CIMIP4: variants seen among roughly 807,000 people sequenced by gnomAD.
The protein encoded by CIMIP4 is protein EAN57.
chr22:37,001,215 T>C, the CIMIP4 span, among the ~76,000 whole-genome samples: 1 of 151,644 alleles, frequency 6.6e-6, no homozygotes, highest in Non-Finnish European at 1.5e-5. Flanking sequence ...CATTGACTAG[T>C]GATGTCTGCC....
chr22:36,996,315 T>C, the CIMIP4 span, among the ~76,000 whole-genome samples: 1 of 152,072 alleles, frequency 6.6e-6, no homozygotes, highest in Non-Finnish European at 1.5e-5. Context: ...AATTAATTGG[T>C]GAGCTGCATA....
At chr22:36,998,793 C>T in the CIMIP4 span, among the ~76,000 whole-genome samples, 4 of 152,062 alleles carry the variant, frequency 2.6e-5, no homozygotes, top group African/African-American at 9.7e-5. Flanking sequence ...TCCAACCCAC[C>T]CTTCCTTTCT....
chr22:37,000,840 C>T, the CIMIP4 span, among the ~76,000 whole-genome samples: 1 of 152,288 alleles, frequency 6.6e-6, no homozygotes, highest in South Asian at 2.1e-4. Context: ...CCAAGTGGGG[C>T]AGAACATGTC....
the CIMIP4 span, among the ~76,000 whole-genome samples, chr22:36,998,977 C>A: frequency 6.6e-6 from 1 of 152,120 alleles, no homozygotes; most frequent in East Asian, 1.9e-4. Context: ...GAGAAGGCAG[C>A]GGAGGCTTGC....
At chr22:37,000,638 G>A in the CIMIP4 span, among the ~76,000 whole-genome samples, 1 of 152,228 alleles carries the variant, frequency 6.6e-6, no homozygotes, top group South Asian at 2.1e-4. Context: ...GGTCTTTGAA[G>A]TGGCTTCCAG....
the CIMIP4 span, chr22:37,003,919 A>G: frequency 2.0e-6 from 3 of 1,527,098 alleles, no homozygotes; most frequent in Non-Finnish European, 2.6e-6. Context: ...GAGTCCCTCC[A>G]GAAGCCTGGA....
At chr22:36,993,201 G>A in the CIMIP4 span, among the ~76,000 whole-genome samples, 7 of 151,312 alleles carry the variant, frequency 4.6e-5, no homozygotes, top group African/African-American at 1.7e-4. Flanking sequence ...TAGTAGAGAC[G>A]GGGTTTCACC....
the CIMIP4 span, chr22:37,001,802 A>G: frequency 3.6e-5 from 54 of 1,493,068 alleles, no homozygotes; most frequent in African/African-American, 5.9e-4. Context: ...TCATTATAAG[A>G]CTCTGCATCA....
At chr22:36,999,576 AGGGGAG>A in the CIMIP4 span, among the ~76,000 whole-genome samples, 32 of 2,908 alleles carry the variant, frequency 0.011, no homozygotes, top group Admixed American at 0.027. Flanking sequence ...GGGGGAGGGG[AGGGGAG>A]GGGGGGATGG....
At chr22:36,997,569 G>A in the CIMIP4 span, among the ~76,000 whole-genome samples, 1 of 152,206 alleles carries the variant, frequency 6.6e-6, no homozygotes, top group Non-Finnish European at 1.5e-5. Flanking sequence ...CACTAGCCCA[G>A]CTTCCAACAC....
the CIMIP4 span, among the ~76,000 whole-genome samples, chr22:36,992,510 A>T: frequency 6.6e-6 from 1 of 152,224 alleles, no homozygotes; most frequent in Non-Finnish European, 1.5e-5. Context: ...TTGAAAAAAA[A>T]TTAAACTCCA....
At chr22:36,991,665 G>T in the CIMIP4 span, 3 of 1,199,942 alleles carry the variant, frequency 2.5e-6, no homozygotes, top group Non-Finnish European at 3.7e-6. Context: ...TATATTGGGT[G>T]TCAGTTTCCT....
At chr22:37,007,803 C>T in the CIMIP4 span, 18 of 152,304 alleles carry the variant, frequency 1.2e-4, no homozygotes, top group African/African-American at 4.3e-4. Flanking sequence ...AAGTGCAGAT[C>T]CCCACTGCAG....
the CIMIP4 span, among the ~76,000 whole-genome samples, chr22:36,996,154 T>C: frequency 6.6e-6 from 1 of 152,132 alleles, no homozygotes; most frequent in Non-Finnish European, 1.5e-5. Context: ...AAATGGGAAT[T>C]GTAGCATTTA....
chr22:36,999,988 A>AGCAGGGAG, the CIMIP4 span: 8 of 1,608,346 alleles, frequency 5.0e-6, no homozygotes, highest in Non-Finnish European at 6.8e-6. Flanking sequence ...TTTGAGCCTG[A>AGCAGGGAG]GCAGGGAGGC....
chr22:36,994,404 C>T, the CIMIP4 span, among the ~76,000 whole-genome samples: 2 of 151,944 alleles, frequency 1.3e-5, no homozygotes, highest in Non-Finnish European at 2.9e-5. Context: ...CTATAACCTC[C>T]GCCTACCTCC....
chr22:36,993,568 CA>C, the CIMIP4 span, among the ~76,000 whole-genome samples: 85 of 146,094 alleles, frequency 5.8e-4, no homozygotes, highest in South Asian at 1.1e-3. Context: ...ACTAAAAATA[CA>C]AAAAAAAAAA....
chr22:36,995,345 C>G, the CIMIP4 span, among the ~76,000 whole-genome samples: 1 of 152,220 alleles, frequency 6.6e-6, no homozygotes. Context: ...ACCCTCTACT[C>G]TCCCCTCCCA....
the CIMIP4 span, among the ~76,000 whole-genome samples, chr22:36,997,126 T>G: frequency 6.6e-6 from 1 of 152,200 alleles, no homozygotes; most frequent in Admixed American, 6.5e-5. Context: ...CAAGCCTCAG[T>G]TTTACTACTT....
Sources: allele counts gnomAD v4.1 joint callset (sites outside exome capture counted in the v4.1 genomes callset), GRCh38; gene constraint gnomAD v4.1.1; transcripts MANE v1.5; gene names NCBI Gene and HGNC (gene_info 2026-07-23, HGNC 2026-07-21).